The following JPT1 variants were observed in gnomAD, a reference collection of about 807,000 sequenced individuals.
JPT1 encodes androgen-regulated protein 2.
Under a neutral mutation model 17.0 loss-of-function variants are expected in JPT1, and 5 were observed. The observed-to-expected ratio is 0.29, with a 90% CI of 0.15 to 0.62. The LOEUF (loss-of-function observed/expected upper bound fraction) is 0.62, where lower values mean the gene tolerates loss of function less well. JPT1 is among the 20% of genes least tolerant of loss of function. The pLI, the probability that JPT1 is intolerant of heterozygous loss-of-function variation, is 0.85. For missense variants in JPT1, 158 were observed against 188.1 expected (o/e 0.84, Z 0.94); for synonymous variants, 71 against 73.6 (o/e 0.96, Z 0.18).
chr17:75,138,926 C>T (rs1253893683), intron 4 of JPT1, among the ~76,000 whole-genome samples: 3 of 152,084 alleles, frequency 2.0e-5, no homozygotes, highest in African/African-American at 4.8e-5. Context: ...ATAAAATGTT[C>T]TATACTATTT....
intron 4 of JPT1, among the ~76,000 whole-genome samples, chr17:75,137,535 T>G (rs928101682): frequency 1.3e-4 from 20 of 151,066 alleles, no homozygotes; most frequent in South Asian, 2.1e-4. Context: ...TTTGTTTTTT[T>G]TTTTTTTTTA....
intron 4 of JPT1, among the ~76,000 whole-genome samples, chr17:75,137,110 A>G (rs1281205441): frequency 6.6e-6 from 1 of 152,104 alleles, no homozygotes; most frequent in Non-Finnish European, 1.5e-5. Context: ...TCATTGCTTT[A>G]TAGTAATTAT....
At chr17:75,149,632 G>C (rs2074507008) in intron 1 of JPT1, among the ~76,000 whole-genome samples, 1 of 152,156 alleles carries the variant, frequency 6.6e-6, no homozygotes, top group Non-Finnish European at 1.5e-5. Context: ...CTCCCAAAGT[G>C]CTAGGATTAC....
intron 4 of JPT1, among the ~76,000 whole-genome samples, chr17:75,142,045 G>GTATCCA (rs1355939963): frequency 6.6e-6 from 1 of 152,098 alleles, no homozygotes; most frequent in African/African-American, 2.4e-5. Flanking sequence ...CTCCAGCCTG[G>GTATCCA]GTGACAGAGC....
At chr17:75,143,343 G>A (rs1598196975) in intron 4 of JPT1, among the ~76,000 whole-genome samples, 2 of 152,118 alleles carry the variant, frequency 1.3e-5, no homozygotes, top group South Asian at 4.1e-4. Flanking sequence ...GTGGATTACT[G>A]GAGGTCAGGA....
At chr17:75,143,641 G>A (rs1271530421) in intron 4 of JPT1, among the ~76,000 whole-genome samples, 1 of 151,852 alleles carries the variant, frequency 6.6e-6, no homozygotes, top group African/African-American at 2.4e-5. Flanking sequence ...ATCAAGACCA[G>A]CCTGGCCAAC....
intron 4 of JPT1, among the ~76,000 whole-genome samples, chr17:75,139,406 G>T (rs550836339): frequency 1.3e-5 from 2 of 152,232 alleles, no homozygotes; most frequent in Admixed American, 1.3e-4. Flanking sequence ...TCTTATATTT[G>T]TCTTACATTA....
chr17:75,153,581 C>T (rs557609309), intron 1 of JPT1: 1 of 152,418 alleles, frequency 6.6e-6, no homozygotes, highest in South Asian at 2.1e-4. Flanking sequence ...CGGGTTGGCT[C>T]GTTCCCCGCG....
At chr17:75,138,109 C>G (rs1401198433) in intron 4 of JPT1, among the ~76,000 whole-genome samples, 1 of 151,744 alleles carries the variant, frequency 6.6e-6, no homozygotes, top group African/African-American at 2.4e-5. Context: ...TATAGGTGCC[C>G]GCTACAACGC....
rs967855539 is a variant in JPT1 at position 75,148,464 on chromosome 17, C to A, written c.199+65G>T. 7 of 1,573,492 alleles carry A rather than the reference C, an allele frequency of 4.4e-6. No homozygotes were observed. In the African/African-American group the frequency reaches 9.6e-5, roughly 21 times the overall value. On this transcript the variant is annotated intron_variant, in intron 2 of 4. Transcript: ENST00000409753. Reference sequence around the variant, plus strand: ...ACGGGGGCACATGCTGGTGCCCAAGCTGCATCTGTGGCTGTTGATGCTGGG... The same window carrying A: ...ACGGGGGCACATGCTGGTGCCCAAGATGCATCTGTGGCTGTTGATGCTGGG...
At chr17:75,142,885 T>TACAC (rs79949682) in intron 4 of JPT1, 1 of 375,466 alleles carries the variant, frequency 2.7e-6, no homozygotes. Flanking sequence ...TATATGAAAA[T>TACAC]ACACACACAC....
intron 1 of JPT1, 59 bp downstream of exon 1, chr17:75,154,283 G>T: frequency 7.3e-7 from 1 of 1,367,530 alleles, no homozygotes; most frequent in Non-Finnish European, 9.7e-7. Context: ...GGCCCCGCCG[G>T]CAGCGGCCCT....
intron 1 of JPT1, among the ~76,000 whole-genome samples, chr17:75,151,545 A>G (rs976407979): frequency 1.3e-5 from 2 of 152,100 alleles, no homozygotes; most frequent in African/African-American, 4.8e-5. Context: ...AGTCCCGACT[A>G]TTCAGGAGGC....
Position 75,137,436 on chromosome 17 carries a change from A to G in JPT1, c.317-1186T>C, listed in dbSNP as rs145675673. On this transcript the variant is annotated intron_variant, in intron 4 of 4. Coordinates refer to ENST00000409753, the MANE Select transcript of JPT1 (RefSeq NM_016185.4). ...CAGTACCTCAATCACAGCCCACTGT[A>G]GCCTCAAACTCCTGGGCTCAAGCAA... 9.4e-4 allele frequency among the ~76,000 whole-genome samples: 136 copies of G among 144,644 alleles called. 1 individual carries two copies. Among genetic ancestry groups the G allele is most frequent in the Admixed American group, 8.7e-3 (125 of 14,366 alleles). The allele number at this position is 144,644 out of a possible 152,430, so 94.9% of individuals were successfully genotyped here.
At chr17:75,144,883 G>A (rs984716232) in intron 4 of JPT1, among the ~76,000 whole-genome samples, 2 of 152,114 alleles carry the variant, frequency 1.3e-5, no homozygotes, top group African/African-American at 4.8e-5. Flanking sequence ...GTGAAAAAAA[G>A]AGGAAAAACA....
At chr17:75,137,779 C>G (rs1158988855) in intron 4 of JPT1, among the ~76,000 whole-genome samples, 4 of 137,386 alleles carry the variant, frequency 2.9e-5, no homozygotes, top group Admixed American at 1.5e-4. Context: ...TCCCGAGTAG[C>G]TGGAATTACA....
intron 1 of JPT1, among the ~76,000 whole-genome samples, chr17:75,149,393 A>C (rs1159942629): frequency 6.6e-6 from 1 of 151,992 alleles, no homozygotes; most frequent in Non-Finnish European, 1.5e-5. Context: ...TTTGAGACGG[A>C]GTCTCCCTCT....
chr17:75,135,870 C>A lies in JPT1; in HGVS notation c.*232G>T. On this transcript the variant is annotated 3_prime_UTR_variant, in exon 5 of 5. Transcript: ENST00000409753. Reference sequence around the variant, plus strand: ...CTTAAAAACACAGTACTAAGTGTCACAAAGCTTTCCCTCCAATCTACTACT... The same window carrying A: ...CTTAAAAACACAGTACTAAGTGTCAAAAAGCTTTCCCTCCAATCTACTACT... 3 of 832,430 alleles carry A rather than the reference C, an allele frequency of 3.6e-6. No homozygotes were observed. The highest frequency in any genetic ancestry group is 5.6e-6 in the Non-Finnish European group (3 of 539,390). 51.6% of individuals were successfully genotyped at this position (832,430 alleles called of 1,614,324 possible). A position where few individuals can be genotyped will look rare whatever the true frequency, so the allele number is the denominator to read the frequency against.
At chr17:75,147,003 C>A (rs1419813307) in intron 3 of JPT1, among the ~76,000 whole-genome samples, 1 of 152,216 alleles carries the variant, frequency 6.6e-6, no homozygotes, top group Non-Finnish European at 1.5e-5. Context: ...TTTCATTTCT[C>A]TCTCCTTTCC....
Sources: gnomAD v4.1 joint callset for allele counts (sites outside exome capture counted in the v4.1 genomes callset) on GRCh38, gnomAD v4.1.1 for gene constraint, MANE v1.5 for transcripts, NCBI Gene and HGNC (gene_info 2026-07-23, HGNC 2026-07-21) for gene names.